The following ROBO2 variants were observed in gnomAD, a reference collection of about 807,000 sequenced individuals.
ROBO2 encodes the protein roundabout homolog 2.
A neutral mutation model predicts 160.8 loss-of-function variants in ROBO2; 53 were observed. The observed-to-expected ratio is 0.33, with a 90% CI of 0.26 to 0.41. The LOEUF (loss-of-function observed/expected upper bound fraction) is 0.41. Ranked by LOEUF, ROBO2 falls within the 10% of genes least tolerant of loss-of-function variation. The pLI is 1.00. For synonymous variants in ROBO2, 664 were observed against 611.7 expected (o/e 1.09, Z -1.26); for missense variants, 1,577 against 1,722.4 (o/e 0.92, Z 1.49).
chr3:77,612,443 T>C (rs1218398533), intron 21 of ROBO2, among the ~76,000 whole-genome samples: 1 of 152,210 alleles, frequency 6.6e-6, no homozygotes, highest in Non-Finnish European at 1.5e-5. Context: ...CTTCATATGA[T>C]ATACACCATG....
rs1019523019 is a variant in ROBO2 at position 76,534,803 on chromosome 3, C to T, written c.110-563211C>T. Among the ~76,000 whole-genome samples, 11 of 152,014 alleles carry T rather than the reference C, an allele frequency of 7.2e-5. No individual in the cohort carries two copies. In the South Asian group the frequency reaches 1.2e-3, roughly 17 times the overall value. ...TCCAAGAGCCTGATGCGTAGGAAAG[C>T]AAGGAGTCCTGAGAGAACCTTAGGG... is the stretch of plus-strand genomic sequence containing the variant. On this transcript the variant is annotated intron_variant, in intron 2 of 26. Transcript: ENST00000487694.
chr3:76,059,301 T>C (rs2067980745), intron 2 of ROBO2, among the ~76,000 whole-genome samples: 2 of 151,774 alleles, frequency 1.3e-5, no homozygotes, highest in African/African-American at 2.4e-5. Flanking sequence ...CCACATCCTC[T>C]CCAGCACCTG....
rs143650143 is a variant in ROBO2 at position 76,394,082 on chromosome 3, T to C, written c.109+456480T>C. 4.1e-3 allele frequency among the ~76,000 whole-genome samples: 620 copies of C among 152,294 alleles called. 4 individuals carry two copies. Among genetic ancestry groups the C allele is most frequent in the African/African-American group, 0.014 (586 of 41,582 alleles). ...TGATGGGTCTTGACTCTTTAGCCAA[T>C]TTGCCAGTCTGTGTCTTTTAATTGT... On this transcript the variant is annotated intron_variant, in intron 2 of 26. Transcript: ENST00000487694.
intron 2 of ROBO2, among the ~76,000 whole-genome samples, chr3:76,865,367 G>T (rs2071258344): frequency 6.6e-6 from 1 of 152,082 alleles, no homozygotes; most frequent in African/African-American, 2.4e-5. Context: ...AGATTCAAGA[G>T]CATCAAATAA....
At chr3:76,362,641 C>T (rs142916702) in intron 2 of ROBO2, among the ~76,000 whole-genome samples, 5 of 152,082 alleles carry the variant, frequency 3.3e-5, no homozygotes, top group East Asian at 3.9e-4. Context: ...TATTCTACAT[C>T]GAAAATTTGC....
At chr3:77,616,832 T>C (rs1051562766) in intron 21 of ROBO2, among the ~76,000 whole-genome samples, 4 of 152,204 alleles carry the variant, frequency 2.6e-5, no homozygotes, top group Non-Finnish European at 4.4e-5. Flanking sequence ...TCATATTTTA[T>C]ACTCAAAATT....
intron 2 of ROBO2, among the ~76,000 whole-genome samples, chr3:76,197,900 A>T (rs772062773): frequency 1.3e-5 from 2 of 152,204 alleles, no homozygotes; most frequent in Non-Finnish European, 2.9e-5. Context: ...TGAGAACAAT[A>T]TAAGTATCCT....
chr3:77,248,548 C>T (rs1034858278), intron 2 of ROBO2, among the ~76,000 whole-genome samples: 24 of 152,170 alleles, frequency 1.6e-4, no homozygotes, highest in African/African-American at 5.3e-4. Context: ...TGGAGGCTGT[C>T]GCGGGGCCCA....
intron 2 of ROBO2, among the ~76,000 whole-genome samples, chr3:77,026,955 CT>C (rs2063006603): frequency 6.6e-6 from 1 of 152,100 alleles, no homozygotes; most frequent in African/African-American, 2.4e-5. Flanking sequence ...TAAAAAGCTG[CT>C]GTTATTAAAG....
At chr3:76,068,604 T>C (rs1035510050) in intron 2 of ROBO2, among the ~76,000 whole-genome samples, 9 of 152,212 alleles carry the variant, frequency 5.9e-5, no homozygotes, top group Admixed American at 5.2e-4. Flanking sequence ...ATTCTTCATA[T>C]GCAAACATGC....
chr3:77,338,786 G>T (rs898315671), intron 2 of ROBO2, among the ~76,000 whole-genome samples: 1 of 152,122 alleles, frequency 6.6e-6, no homozygotes, highest in Non-Finnish European at 1.5e-5. Flanking sequence ...TACTAGCAAA[G>T]CAATGCCATT....
intron 23 of ROBO2, chr3:77,629,090 G>T (rs1244946939): frequency 2.6e-5 from 4 of 152,252 alleles, no homozygotes; most frequent in African/African-American, 9.7e-5. Flanking sequence ...GAGCATTAAA[G>T]GCTGGGAGAA....
At chr3:77,583,182 A>G (rs1559663092) in intron 16 of ROBO2, among the ~76,000 whole-genome samples, 1 of 151,406 alleles carries the variant, frequency 6.6e-6, no homozygotes. Flanking sequence ...AAAGGAAAAA[A>G]CATTTTCAGT....
chr3:77,379,901 C>A (rs1166319226), intron 2 of ROBO2, among the ~76,000 whole-genome samples: 1 of 152,092 alleles, frequency 6.6e-6, no homozygotes, highest in South Asian at 2.1e-4. Context: ...AATCCCATGT[C>A]AACTCAGTTG....
In ROBO2 at chr3:77,606,956, G is replaced by A. The variant is rs571512005; in HGVS notation, c.3137-842G>A. Among the ~76,000 whole-genome samples, 31 of 152,292 alleles carry A rather than the reference G, an allele frequency of 2.0e-4. 2 individuals carry two copies. In the South Asian group the frequency reaches 6.4e-3, roughly 32 times the overall value. ...TTAACTGTAGTCCACTTTTAAGGAA[G>A]AAGCTTTATCTACTTAATTTTGGAA... On this transcript the variant is annotated intron_variant, in intron 20 of 25. Transcript: ENST00000461745.
At chr3:75,996,051 G>A (rs1382752741) in intron 2 of ROBO2, among the ~76,000 whole-genome samples, 2 of 152,154 alleles carry the variant, frequency 1.3e-5, no homozygotes, top group Non-Finnish European at 2.9e-5. Context: ...CTTGTCTCAG[G>A]TAAGACTTTG....
chr3:76,753,223 T>C (rs2060779794), intron 2 of ROBO2, among the ~76,000 whole-genome samples: 1 of 151,832 alleles, frequency 6.6e-6, no homozygotes. Flanking sequence ...CCATTTGTTT[T>C]AAATTCTTTT....
intron 2 of ROBO2, among the ~76,000 whole-genome samples, chr3:76,543,748 A>G (rs1175365567): frequency 6.6e-6 from 1 of 152,052 alleles, no homozygotes; most frequent in Non-Finnish European, 1.5e-5. Flanking sequence ...CAGCGTCATT[A>G]TTAAATACTA....
At chr3:77,125,004 A>G (rs1376246710) in intron 2 of ROBO2, among the ~76,000 whole-genome samples, 1 of 151,874 alleles carries the variant, frequency 6.6e-6, no homozygotes, top group Non-Finnish European at 1.5e-5. Context: ...CTCTAATATG[A>G]TATGATTATA....
Sources: gnomAD v4.1 joint callset for allele counts (sites outside exome capture counted in the v4.1 genomes callset) on GRCh38, gnomAD v4.1.1 for gene constraint, MANE v1.5 for transcripts, NCBI Gene and HGNC (gene_info 2026-07-23, HGNC 2026-07-21) for gene names.